The following LIN7B variants were observed in gnomAD, a reference collection of about 807,000 sequenced individuals.
LIN7B encodes lin-7 cell polarity scaffold B.
A neutral mutation model predicts 27.9 loss-of-function variants in LIN7B; 16 were observed. That is an observed-to-expected ratio of 0.57 (90% confidence interval 0.39 to 0.87). The LOEUF is 0.87. Ranked by LOEUF, LIN7B falls within the 40% of genes least tolerant of loss-of-function variation. The pLI, the probability that LIN7B is intolerant of heterozygous loss-of-function variation, is 0.00. For synonymous variants in LIN7B, 147 were observed against 120.8 expected, an observed-to-expected ratio of 1.22 and a Z score of -1.42; for missense variants, 291 against 288.5, an observed-to-expected ratio of 1.01 and a Z score of -0.06.
intron 3 of LIN7B, chr19:49,115,714 G>C (rs1159724472): frequency 5.8e-6 from 1 of 172,018 alleles, no homozygotes; most frequent in Admixed American, 6.2e-5. Flanking sequence ...GGCCAGGCAC[G>C]GTGGCTCACG....
chr19:49,116,518 C>T (rs757937748), intron 4 of LIN7B, 46 bp downstream of exon 4: 25 of 1,527,302 alleles, frequency 1.6e-5, no homozygotes, highest in East Asian at 1.1e-4. Flanking sequence ...GTCTGTCTAA[C>T]GTAGCATAGC....
At chr19:49,118,177 T>C in intron 5 of LIN7B, 159 bp downstream of exon 5, 1 of 1,365,748 alleles carries the variant, frequency 7.3e-7, no homozygotes, top group Non-Finnish European at 1.0e-6. Context: ...CAGGCTAGTT[T>C]GGCCAAATCC....
intron 4 of LIN7B, among the ~76,000 whole-genome samples, 199 bp from the exon 5 acceptor site, chr19:49,117,656 G>T (rs1384301110): frequency 6.6e-6 from 1 of 152,140 alleles, no homozygotes; most frequent in East Asian, 1.9e-4. Context: ...GGGAACACGG[G>T]GCTGTCCCTG....
At chr19:49,115,556 C>T in intron 3 of LIN7B, 1 of 543,374 alleles carries the variant, frequency 1.8e-6, no homozygotes, top group Non-Finnish European at 3.3e-6. Context: ...AGAAGATAAC[C>T]TTCAACATCT....
At position 49,114,413 on chromosome 19, in the gene LIN7B, G is replaced by A. The variant is rs1236877746; in HGVS notation, c.9G>A (p.Ala3=). 4.2e-6 allele frequency: 5 copies of A among 1,203,766 alleles called. No homozygotes were observed. The South Asian group carries it at 1.2e-4, about 30-fold the overall frequency. The allele number at this position is 1,203,766 out of a possible 1,614,324, so 74.6% of individuals were successfully genotyped here. A position where few individuals can be genotyped will look rare whatever the true frequency, so the allele number is the denominator to read the frequency against. Residue 3 remains alanine (A), a synonymous_variant, in exon 1 of 6, where the codon GCG becomes GCA. Coordinates refer to ENST00000221459, the MANE Select transcript of LIN7B (RefSeq NM_022165.3). The part of the protein sequence containing the change: MA[A]LVEPLGLERD... Reference sequence around the variant, plus strand: ...GCAGCTGTGGCGCCGACATGGCTGCGCTGGTGGAGCCGCTGGGGCTGGAGC... The same window carrying A: ...GCAGCTGTGGCGCCGACATGGCTGCACTGGTGGAGCCGCTGGGGCTGGAGC...
chr19:49,114,764 G>C (rs1306522297), intron 1 of LIN7B, 85 bp from the exon 2 acceptor site: 6 of 761,568 alleles, frequency 7.9e-6, no homozygotes, highest in Non-Finnish European at 1.2e-5. Flanking sequence ...CTGTGCGCTC[G>C]GCCTCACTCC....
At chr19:49,116,125 G>A in intron 3 of LIN7B, 138 bp from the exon 4 acceptor site, 1 of 649,612 alleles carries the variant, frequency 1.5e-6, no homozygotes, top group East Asian at 2.7e-5. Flanking sequence ...GGGGGATCGT[G>A]CATTGTGCCA....
chr19:49,114,490 C>G, intron 1 of LIN7B, 49 bp downstream of exon 1: 1 of 1,181,604 alleles, frequency 8.5e-7, no homozygotes, highest in South Asian at 4.2e-5. Context: ...GGCCTACATA[C>G]CCAGCCCCCG....
At chr19:49,115,602 C>T (rs1393560953) in intron 3 of LIN7B, 16 of 353,622 alleles carry the variant, frequency 4.5e-5, no homozygotes, top group South Asian at 2.8e-4. Context: ...GGCGCTCTGA[C>T]CTCTCACTGC....
intron 3 of LIN7B, chr19:49,116,009 CAA>C (rs562837227): frequency 0.016 from 4,599 of 279,166 alleles, no homozygotes; most frequent in South Asian, 0.028. Flanking sequence ...GACTTCATCT[CAA>C]AAAAAAAAAA....
Position 49,114,927 on chromosome 19 carries a change from A to AGCG in LIN7B, c.117_119dup (p.Arg40dup). On this transcript the variant is annotated inframe_insertion, in exon 2 of 6. Transcript: ENST00000221459. ...CCGCCGCAGAAGCTGCAGGCCCTCC[A>AGCG]GCGAGTTCTGCAGAGCCGCTTCTGC... 1 of 1,469,724 alleles carries AGCG rather than the reference A, an allele frequency of 6.8e-7. No individual in the cohort carries two copies. The highest frequency in any genetic ancestry group is 9.0e-7 in the Non-Finnish European group (1 of 1,111,598). 91.0% of individuals were successfully genotyped at this position (1,469,724 alleles called of 1,614,324 possible).
intron 4 of LIN7B, among the ~76,000 whole-genome samples, chr19:49,117,121 C>T (rs1174055463): frequency 6.6e-6 from 1 of 151,918 alleles, no homozygotes; most frequent in Non-Finnish European, 1.5e-5. Context: ...TGGCAGGCAC[C>T]TGTAATCCCA....
In LIN7B at chr19:49,116,404, C is replaced by T. The variant is rs753548631; in HGVS notation, c.370C>T (p.Pro124Ser). 8 of 1,614,092 alleles carry T rather than the reference C, an allele frequency of 5.0e-6. No homozygotes were observed. Among genetic ancestry groups the T allele is most frequent in the Non-Finnish European group, 5.9e-6 (7 of 1,180,036 alleles). The stretch of plus-strand genomic sequence containing the variant: ...GCCCATCTACATCTCCCGGGTCATC[C>T]CAGGGGGTGTGGCTGACCGCCATGG... ...NSPIYISRVI[P>S]GGVADRHGGL... The change falls in exon 4 of 6, where the codon CCA becomes TCA. Residue 124 changes from proline (P) to serine (S), a missense_variant. Coordinates refer to ENST00000221459, the MANE Select transcript of LIN7B (RefSeq NM_022165.3).
chr19:49,115,386 A>T, intron 3 of LIN7B, 55 bp downstream of exon 3: 4 of 1,421,188 alleles, frequency 2.8e-6, no homozygotes, highest in Non-Finnish European at 3.9e-6. Context: ...AGTCGAACTC[A>T]ATATCTCCTT....
At chr19:49,114,494 GC>G in intron 1 of LIN7B, 53 bp downstream of exon 1, 5 of 1,173,932 alleles carry the variant, frequency 4.3e-6, no homozygotes, top group Non-Finnish European at 3.2e-6. Context: ...TACATACCCA[GC>G]CCCCGGTCCC....
chr19:49,116,205 C>A (rs1361853563), intron 3 of LIN7B, 58 bp from the exon 4 acceptor site: 10 of 1,507,552 alleles, frequency 6.6e-6, no homozygotes, highest in South Asian at 1.2e-5. Context: ...ATCCCCCACC[C>A]CAGCTTTCAT....
At chr19:49,114,702 C>T (rs1024416315) in intron 1 of LIN7B, 147 bp from the exon 2 acceptor site, 3 of 461,986 alleles carry the variant, frequency 6.5e-6, no homozygotes, top group African/African-American at 2.0e-5. Context: ...CTCTCCTGCG[C>T]CACCCTGGAC....
Position 49,117,894 on chromosome 19 carries a change from C to G in LIN7B, c.478C>G (p.Leu160Val). 1 of 1,614,046 alleles carries G rather than the reference C, an allele frequency of 6.2e-7. No individual in the cohort carries two copies. Among genetic ancestry groups the G allele is most frequent in the Non-Finnish European group, 8.5e-7 (1 of 1,179,982 alleles). Reference protein sequence around the residue: ...GEQHEKAVELLKAAQGSVKLV... With the variant: ...GEQHEKAVELVKAAQGSVKLV... ...GCAGCATGAGAAGGCGGTGGAGCTG[C>G]TGAAGGCGGCCCAGGGCTCGGTGAA... Residue 160 changes from leucine (L) to valine (V), a missense_variant, in exon 5 of 6, where the codon CTG (leucine) becomes GTG (valine). Physicochemically the swap from Leu to Val is conservative, Grantham distance 32. Coordinates refer to ENST00000221459, the MANE Select transcript of LIN7B (RefSeq NM_022165.3).
intron 4 of LIN7B, among the ~76,000 whole-genome samples, chr19:49,116,690 C>G (rs1354020122): frequency 1.3e-5 from 2 of 152,150 alleles, no homozygotes; most frequent in Non-Finnish European, 1.5e-5. Context: ...TAGTCCTAAT[C>G]CAGAGACATA....
Sources: allele counts gnomAD v4.1 joint callset (sites outside exome capture counted in the v4.1 genomes callset), GRCh38; gene constraint gnomAD v4.1.1; transcripts MANE v1.5; gene names NCBI Gene and HGNC (gene_info 2026-07-23, HGNC 2026-07-21).